Variants in NUP214 observed in about 807,000 individuals in gnomAD.
NUP214 encodes nuclear pore complex protein Nup214.
In NUP214, 79 loss-of-function variants were observed where a neutral mutation model predicts 196.2. The observed-to-expected ratio is 0.40, with a 90% CI of 0.34 to 0.49. NUP214 has a LOEUF of 0.49. Ranked by LOEUF, NUP214 falls within the 20% of genes least tolerant of loss-of-function variation. NUP214 has a pLI of 0.58. For missense variants in NUP214, 2,468 were observed against 2,539.0 expected (o/e 0.97, Z 0.60); for synonymous variants, 1,020 against 990.5 (o/e 1.03, Z -0.56).
chr9:131,213,972 G>C (rs538146580), intron 30 of NUP214, among the ~76,000 whole-genome samples: 81 of 152,278 alleles, frequency 5.3e-4, no homozygotes, highest in Non-Finnish European at 9.0e-4. Context: ...GGGCCTTCTA[G>C]AATTGGTAGA....
At position 131,175,881 on chromosome 9, in the gene NUP214, T is replaced by A. The variant is rs367871140; in HGVS notation, c.3319+260T>A. 374 of 405,658 alleles carry A rather than the reference T, an allele frequency of 9.2e-4. 3 individuals are homozygous for A. The highest frequency in any genetic ancestry group is 6.6e-3 in the African/African-American group (320 of 48,556). The allele number at this position is 405,658 out of a possible 1,614,324, so 25.1% of individuals were successfully genotyped here. ...AATCAGTGGGGTTTGTTTTTTTTTT[T>A]AAACAAAATTGCTAATCCTACTTTT... On this transcript the variant is annotated intron_variant, in intron 23 of 35. Transcript: ENST00000359428.
intron 7 of NUP214, among the ~76,000 whole-genome samples, 198 bp from the exon 8 acceptor site, chr9:131,134,700 A>T (rs560297070): frequency 1.6e-4 from 24 of 152,158 alleles, no homozygotes; most frequent in Non-Finnish European, 2.5e-4. Flanking sequence ...GGCAGAACAG[A>T]GTTTAAATGC....
chr9:131,150,408 G>A lies in NUP214; in HGVS notation c.2125G>A (p.Glu709Lys). The change falls in exon 15 of 36, where the codon GAG (glutamate) becomes AAG (lysine). Residue 709 changes from glutamate to lysine, a missense_variant and splice_region_variant. Transcript: ENST00000359428. ...SDPVMAGIGEEIAHFQKELEE... is the reference protein window; with the variant it reads ...SDPVMAGIGEKIAHFQKELEE... ...TCCTGTAATGGCTGGAATTGGGGAG[G>A]AGGTAAATTTGTTTCCTGAGGGTGT... 6.2e-7 allele frequency: 1 copy of A among 1,614,144 alleles called. No homozygotes were observed.
At chr9:131,164,208 C>T (rs576856819) in intron 21 of NUP214, 64 bp downstream of exon 21, 331 of 1,372,882 alleles carry the variant, frequency 2.4e-4, no homozygotes, top group Middle Eastern at 5.4e-4. Flanking sequence ...TGTGTGTGTG[C>T]GCGCGCACAT....
At chr9:131,174,432 CT>C (rs371376407) in intron 22 of NUP214, 114 bp downstream of exon 22, 12,658 of 383,210 alleles carry the variant, frequency 0.033, 176 homozygotes, top group South Asian at 0.043. Context: ...CTCCAGCCCA[CT>C]TTTTTTTTTT....
intron 17 of NUP214, among the ~76,000 whole-genome samples, chr9:131,158,377 C>A (rs1368817641): frequency 6.6e-6 from 1 of 152,234 alleles, no homozygotes; most frequent in Non-Finnish European, 1.5e-5. Flanking sequence ...CAGCGCCCAG[C>A]CACCTGGCCT....
chr9:131,214,094 G>C (rs953650861), intron 30 of NUP214, among the ~76,000 whole-genome samples: 1 of 152,196 alleles, frequency 6.6e-6, no homozygotes, highest in Non-Finnish European at 1.5e-5. Flanking sequence ...CTGGGCAAAA[G>C]GTTGGGGTTA....
chr9:131,216,049 C>T (rs1266587859), intron 31 of NUP214, among the ~76,000 whole-genome samples: 3 of 151,466 alleles, frequency 2.0e-5, no homozygotes, highest in Non-Finnish European at 2.9e-5. Flanking sequence ...ATTACAGGCA[C>T]GTGCTATCAC....
intron 30 of NUP214, among the ~76,000 whole-genome samples, chr9:131,204,816 A>G (rs1395465358): frequency 6.6e-6 from 1 of 152,246 alleles, no homozygotes; most frequent in Non-Finnish European, 1.5e-5. Context: ...ACGAGAATGC[A>G]TAAAAGGAAA....
At chr9:131,132,135 T>TTG (rs1831569614) in intron 5 of NUP214, among the ~76,000 whole-genome samples, 1 of 147,712 alleles carries the variant, frequency 6.8e-6, no homozygotes, top group African/African-American at 2.5e-5. Context: ...TTTTTTTTTT[T>TTG]GGAGACCAAG....
chr9:131,167,628 C>G (rs1293405789), intron 21 of NUP214: 4 of 152,172 alleles, frequency 2.6e-5, no homozygotes, highest in Non-Finnish European at 5.9e-5. Context: ...CTTTGCCAAA[C>G]TTGATATTGT....
intron 32 of NUP214, among the ~76,000 whole-genome samples, 185 bp from the exon 33 acceptor site, chr9:131,227,975 G>T (rs560551534): frequency 8.5e-6 from 1 of 117,168 alleles, no homozygotes; most frequent in Admixed American, 9.7e-5. Context: ...CTATTTTCTT[G>T]ATAGAAGGGC....
chr9:131,174,535 A>C (rs1588146799), intron 22 of NUP214, among the ~76,000 whole-genome samples: 1 of 126,208 alleles, frequency 7.9e-6, no homozygotes, highest in Non-Finnish European at 1.6e-5. Context: ...TGCAACATCC[A>C]CCTCCTGGGT....
chr9:131,228,656 G>A (rs45606533), intron 33 of NUP214: 8,574 of 216,680 alleles, frequency 0.04, 260 homozygotes, highest in African/African-American at 0.092. Context: ...GCCAAGAGGT[G>A]CCCCGGTGTG....
intron 32 of NUP214, among the ~76,000 whole-genome samples, chr9:131,226,138 TC>T (rs534257474): frequency 2.6e-5 from 4 of 152,164 alleles, no homozygotes; most frequent in Non-Finnish European, 5.9e-5. Flanking sequence ...AGTCTCAGTT[TC>T]CTCCCCTGTG....
rs764118812 is a variant in NUP214 at position 131,146,139 on chromosome 9, G to A, written c.1780G>A (p.Ala594Thr). 2.5e-6 allele frequency: 4 copies of A among 1,614,102 alleles called. No homozygotes were observed. The highest frequency in any genetic ancestry group is 3.4e-6 in the Non-Finnish European group (4 of 1,180,000). ...GCTGCCATTTTTCAGGTTTACTGCT[G>A]CAGCTACCTCTACTCCTGTTAGTAG... ...KVNLSEKFTAAATSTPVSSSQ... is the reference protein window; with the variant it reads ...KVNLSEKFTATATSTPVSSSQ... Residue 594 changes from alanine (A) to threonine (T), a missense_variant, in exon 13 of 36, where the codon GCA becomes ACA. Coordinates refer to ENST00000359428, the MANE Select transcript of NUP214 (RefSeq NM_005085.4). This position sits in a 1 kb window ranked among gnomAD's most constrained non-coding sequence, Gnocchi z 4.6.
chr9:131,201,042 T>G (rs1030638369), intron 29 of NUP214, among the ~76,000 whole-genome samples: 3 of 150,460 alleles, frequency 2.0e-5, no homozygotes. Flanking sequence ...TTACACTATT[T>G]TAAAATGTTA....
chr9:131,230,474 C>T (rs1446745175), intron 33 of NUP214, 156 bp from the exon 34 acceptor site: 2 of 805,936 alleles, frequency 2.5e-6, no homozygotes, highest in Non-Finnish European at 3.9e-6. Context: ...TGGGCGATAG[C>T]TCATTCTCTC....
At chr9:131,222,561 TG>T (rs1214286266) in intron 31 of NUP214, 5 of 437,586 alleles carry the variant, frequency 1.1e-5, no homozygotes, top group Non-Finnish European at 2.0e-5. Context: ...CAGGAAATCC[TG>T]AGCCTGGGTG....
Sources: gnomAD v4.1 joint callset for allele counts (sites outside exome capture counted in the v4.1 genomes callset) on GRCh38, gnomAD v4.1.1 for gene constraint, Gnocchi (gnomAD v3.1) non-coding constraint, MANE v1.5 for transcripts, NCBI Gene and HGNC (gene_info 2026-07-23, HGNC 2026-07-21) for gene names.